NUP62CL: variants seen among roughly 807,000 people sequenced by gnomAD.
The protein encoded by NUP62CL is nucleoporin-62 C-terminal-like protein.
In NUP62CL, 13 loss-of-function variants were observed where a neutral mutation model predicts 15.3. That is an observed-to-expected ratio of 0.85 (90% CI 0.55 to 1.35). NUP62CL has a LOEUF of 1.35. NUP62CL is among the 40% of genes most tolerant of loss of function. NUP62CL has a pLI of 0.00. For synonymous variants in NUP62CL, 54 were observed against 49.2 expected, an observed-to-expected ratio of 1.10 and a Z score of -0.41; for missense variants, 123 against 130.6, an observed-to-expected ratio of 0.94 and a Z score of 0.28.
chrX:107,204,115 T>A (rs1927553005), intron 1 of NUP62CL, among the ~76,000 whole-genome samples: 1 of 111,512 alleles, frequency 9.0e-6, no homozygotes. Flanking sequence ...GTTTCATTAC[T>A]TTAAAACCGA....
chrX:107,145,346 G>C (rs1244689483), intron 8 of NUP62CL, among the ~76,000 whole-genome samples: 2 of 110,771 alleles, frequency 1.8e-5, no homozygotes, highest in Non-Finnish European at 3.8e-5. Context: ...TGGTTAACTA[G>C]CTCCCATTTG....
rs1926551635 is a variant in NUP62CL at position 107,167,759 on chromosome X, G to A, written c.84C>T (p.Ala28=). 8.4e-7 allele frequency: 1 copy of A among 1,190,686 alleles called. No individual in the cohort carries two copies. ...TGGTAGTAGTGTTGGTGGTGAAAGT[G>A]GCGGTGGTAGTCGTTGAAGTTGTAA... The part of the protein sequence containing the change: ...LSFTTSTTTT[A]TFTTNTTTTI... Residue 28 remains alanine, a synonymous_variant, in exon 4 of 9, where the codon GCC becomes GCT. Transcript: ENST00000372466.
chrX:107,194,585 TA>T (rs1927316286), intron 1 of NUP62CL, among the ~76,000 whole-genome samples: 1 of 111,298 alleles, frequency 9.0e-6, no homozygotes, highest in Non-Finnish European at 1.9e-5. Context: ...TCATTAAAAC[TA>T]AGAGTTGCAT....
chrX:107,177,027 C>CTA (rs34266010), intron 2 of NUP62CL, among the ~76,000 whole-genome samples: 33,992 of 110,219 alleles, frequency 0.31, 5,040 homozygotes, highest in African/African-American at 0.56. Flanking sequence ...AGAAGTAAAA[C>CTA]TCTCTATTCA....
chrX:107,190,999 G>A (rs1348708300), intron 2 of NUP62CL, among the ~76,000 whole-genome samples: 1 of 106,766 alleles, frequency 9.4e-6, no homozygotes, highest in Non-Finnish European at 1.9e-5. Context: ...AGAAGCCCCT[G>A]TAATCACTGT....
chrX:107,157,698 G>C (rs2147801687), intron 4 of NUP62CL, among the ~76,000 whole-genome samples: 1 of 109,292 alleles, frequency 9.1e-6, no homozygotes. Context: ...AGACCATCAA[G>C]ACTAGGAAGA....
chrX:107,201,818 G>T (rs1449169547), intron 1 of NUP62CL, among the ~76,000 whole-genome samples: 1 of 110,084 alleles, frequency 9.1e-6, no homozygotes, highest in Non-Finnish European at 1.9e-5. Context: ...TAGACCTGTG[G>T]TCCCACCTAC....
chrX:107,131,881 G>A, intron 8 of NUP62CL: 2 of 1,004,175 alleles, frequency 2.0e-6, no homozygotes, highest in Non-Finnish European at 2.8e-6. Flanking sequence ...TGAACATGCT[G>A]ATACAGAAGG....
intron 8 of NUP62CL, chrX:107,132,345 C>A: frequency 1.7e-6 from 1 of 596,117 alleles, no homozygotes; most frequent in Non-Finnish European, 2.7e-6. Context: ...AAAATAATTG[C>A]TGTGTAGCTT....
At chrX:107,160,481 C>G (rs766838308) in intron 4 of NUP62CL, among the ~76,000 whole-genome samples, 5 of 107,742 alleles carry the variant, frequency 4.6e-5, no homozygotes, top group African/African-American at 1.7e-4. Flanking sequence ...ACGCCGCATA[C>G]CTACAACTAC....
chrX:107,176,770 C>T (rs970022913), intron 2 of NUP62CL, among the ~76,000 whole-genome samples: 1 of 111,160 alleles, frequency 9.0e-6, no homozygotes, highest in Non-Finnish European at 1.9e-5. Flanking sequence ...AAATCCAATA[C>T]CCTTTCATGG....
chrX:107,203,790 A>T (rs1207708331), intron 1 of NUP62CL, among the ~76,000 whole-genome samples: 1 of 111,699 alleles, frequency 9.0e-6, no homozygotes, highest in East Asian at 2.8e-4. Flanking sequence ...ATAGGAGGGG[A>T]ACAGAATTAT....
At chrX:107,131,609 G>T in intron 8 of NUP62CL, 1 of 471,178 alleles carries the variant, frequency 2.1e-6, no homozygotes, top group South Asian at 2.8e-5. Flanking sequence ...CGTCGCCAGT[G>T]ACTAGTAGGC....
At chrX:107,168,039 G>A in intron 3 of NUP62CL, among the ~76,000 whole-genome samples, 1 of 111,267 alleles carries the variant, frequency 9.0e-6, no homozygotes, top group Non-Finnish European at 1.9e-5. Flanking sequence ...AACCATGAAA[G>A]AAATCAAATC....
Position 107,160,076 on chromosome X carries a change from G to T in NUP62CL, c.195-5830C>A, listed in dbSNP as rs1602648867. Among the ~76,000 whole-genome samples, 2 of 84,258 alleles carry T rather than the reference G, an allele frequency of 2.4e-5. 1 individual carries two copies. The highest frequency in any genetic ancestry group is 1.4e-3 in the South Asian group (2 of 1,436). The allele number at this position is 84,258 out of a possible 115,157, so 73.2% of individuals were successfully genotyped here. A position where few individuals can be genotyped will look rare whatever the true frequency, so the allele number is the denominator to read the frequency against. On this transcript the variant is annotated intron_variant, in intron 4 of 8. Coordinates refer to ENST00000372466, the MANE Select transcript of NUP62CL (RefSeq NM_017681.3). Reference sequence around the variant, plus strand: ...ATACCTAGGAATCCAACTTACAAGGGATGTGAAGGACCTCTTCAAGGAGAA... The same window carrying T: ...ATACCTAGGAATCCAACTTACAAGGTATGTGAAGGACCTCTTCAAGGAGAA...
chrX:107,205,298 C>T (rs1239162037), intron 1 of NUP62CL, among the ~76,000 whole-genome samples: 1 of 112,037 alleles, frequency 8.9e-6, no homozygotes, highest in Admixed American at 9.5e-5. Flanking sequence ...ATAATTTAAG[C>T]TCCACAAGTA....
intron 2 of NUP62CL, 72 bp from the exon 3 acceptor site, chrX:107,175,265 C>A: frequency 1.9e-6 from 1 of 520,956 alleles, no homozygotes; most frequent in Non-Finnish European, 3.3e-6. Flanking sequence ...AACATTATGA[C>A]AAGGTTCATT....
intron 3 of NUP62CL, among the ~76,000 whole-genome samples, chrX:107,173,092 C>T (rs757372009): frequency 8.0e-5 from 9 of 111,820 alleles, no homozygotes; most frequent in Non-Finnish European, 1.3e-4. Context: ...GTGTTCTAGC[C>T]GAAGTTGTTG....
intron 4 of NUP62CL, among the ~76,000 whole-genome samples, chrX:107,157,706 A>G (rs925097971): frequency 9.1e-6 from 1 of 109,773 alleles, no homozygotes; most frequent in Admixed American, 9.7e-5. Context: ...AAGACTAGGA[A>G]GAAACTGCAT....
Sources: allele counts gnomAD v4.1 joint callset (sites outside exome capture counted in the v4.1 genomes callset), GRCh38; gene constraint gnomAD v4.1.1; transcripts MANE v1.5; gene names NCBI Gene and HGNC (gene_info 2026-07-23, HGNC 2026-07-21).